The following LOC400499 variants were observed in gnomAD, a reference collection of about 807,000 sequenced individuals.
At chr16:11,456,043 ATTTT>A in the LOC400499 span, among the ~76,000 whole-genome samples, 1 of 142,434 alleles carries the variant, frequency 7.0e-6, no homozygotes, top group Non-Finnish European at 1.5e-5. Flanking sequence ...CGTGGATAAA[ATTTT>A]TTTTTTTTTT....
chr16:11,471,277 G>A, the LOC400499 span: 1 of 159,216 alleles, frequency 6.3e-6, no homozygotes, highest in Admixed American at 6.5e-5. Context: ...TCTGCTCCCA[G>A]GAACTGAGTC....
the LOC400499 span, chr16:11,523,566 A>T: frequency 5.0e-6 from 2 of 397,414 alleles, no homozygotes; most frequent in Non-Finnish European, 8.9e-6. Flanking sequence ...TCTGGGAAGA[A>T]GATGAGAAAT....
At chr16:11,375,969 C>T in the LOC400499 span, among the ~76,000 whole-genome samples, 1 of 152,160 alleles carries the variant, frequency 6.6e-6, no homozygotes, top group Non-Finnish European at 1.5e-5. Flanking sequence ...GAACGCCTGA[C>T]CTCAGGTGAT....
the LOC400499 span, among the ~76,000 whole-genome samples, chr16:11,487,902 C>G: frequency 6.6e-6 from 1 of 151,962 alleles, no homozygotes. Context: ...TCACTTAAGG[C>G]CAGGGGTTCG....
the LOC400499 span, chr16:11,478,045 G>A: frequency 5.0e-6 from 2 of 396,442 alleles, no homozygotes; most frequent in Non-Finnish European, 8.9e-6. Context: ...GGGCTCGGTG[G>A]CTCACGCCTG....
At chr16:11,516,280 G>T in the LOC400499 span, 106 of 399,634 alleles carry the variant, frequency 2.7e-4, no homozygotes, top group Middle Eastern at 1.3e-3. Flanking sequence ...GCAGGATGAA[G>T]CGGAGTGGGT....
chr16:11,517,213 C>G, the LOC400499 span, among the ~76,000 whole-genome samples: 4 of 152,132 alleles, frequency 2.6e-5, no homozygotes, highest in African/African-American at 9.7e-5. Context: ...CTTCCTCTTT[C>G]CTAGAAACCA....
At chr16:11,385,148 G>C in the LOC400499 span, 1 of 1,230,394 alleles carries the variant, frequency 8.1e-7, no homozygotes, top group South Asian at 4.1e-5. Context: ...CAGGCGACCT[G>C]CCATGGGCAC....
At chr16:11,522,059 T>A in the LOC400499 span, 7 of 398,892 alleles carry the variant, frequency 1.8e-5, no homozygotes, top group Non-Finnish European at 3.1e-5. Context: ...CTGGTGTTGG[T>A]GGAAAAATGA....
chr16:11,461,067 G>C, the LOC400499 span: 18 of 1,535,958 alleles, frequency 1.2e-5, no homozygotes, highest in Admixed American at 3.5e-4. Flanking sequence ...CAAACAGCTC[G>C]GCACCCAGGG....
chr16:11,428,503 TA>T, the LOC400499 span, among the ~76,000 whole-genome samples: 1 of 152,128 alleles, frequency 6.6e-6, no homozygotes, highest in Non-Finnish European at 1.5e-5. Context: ...CCATATGACG[TA>T]ACTTCCTGAT....
the LOC400499 span, among the ~76,000 whole-genome samples, chr16:11,409,025 C>T: frequency 1.3e-5 from 2 of 151,948 alleles, no homozygotes. Flanking sequence ...CTTTGGGAGG[C>T]TGAGGTGGGC....
At chr16:11,411,040 G>A in the LOC400499 span, among the ~76,000 whole-genome samples, 5 of 152,270 alleles carry the variant, frequency 3.3e-5, no homozygotes, top group Admixed American at 2.0e-4. Context: ...CTGACTGGGG[G>A]CCACGGGGGC....
chr16:11,482,036 G>A, the LOC400499 span, among the ~76,000 whole-genome samples: 92 of 152,152 alleles, frequency 6.0e-4, 2 homozygotes, highest in Non-Finnish European at 1.8e-4. Context: ...TTTACAAAAG[G>A]AACTGGATGT....
At chr16:11,483,620 C>T in the LOC400499 span, among the ~76,000 whole-genome samples, 1 of 151,374 alleles carries the variant, frequency 6.6e-6, no homozygotes, top group African/African-American at 2.4e-5. Context: ...AATCCCAGCA[C>T]TTTGAGAGGC....
At chr16:11,476,438 AG>A in the LOC400499 span, among the ~76,000 whole-genome samples, 1 of 151,956 alleles carries the variant, frequency 6.6e-6, no homozygotes. Flanking sequence ...CACCCTTCAC[AG>A]TCAACAGACA....
At chr16:11,448,083 G>C in the LOC400499 span, 1 of 1,533,268 alleles carries the variant, frequency 6.5e-7, no homozygotes, top group South Asian at 1.2e-5. Context: ...GCTGCAACAA[G>C]ATCCAGGCTG....
chr16:11,472,760 A>AGTT, the LOC400499 span: 1 of 152,244 alleles, frequency 6.6e-6, no homozygotes, highest in Admixed American at 6.5e-5. Flanking sequence ...GAGGATTAAC[A>AGTT]GGTCAGTAAG....
At chr16:11,493,509 A>G in the LOC400499 span, 1 of 388,642 alleles carries the variant, frequency 2.6e-6, no homozygotes, top group Non-Finnish European at 4.5e-6. Flanking sequence ...ACCTGTTCAC[A>G]CTAGTACCCA....
Sources: gnomAD v4.1 joint callset for allele counts (sites outside exome capture counted in the v4.1 genomes callset) on GRCh38, gnomAD v4.1.1 for gene constraint, MANE v1.5 for transcripts.